Variants in CCDC167 observed in about 807,000 individuals in gnomAD.
CCDC167 encodes coiled-coil domain-containing protein 167.
Under a neutral mutation model 12.7 loss-of-function variants are expected in CCDC167, and 15 were observed. That is an observed-to-expected ratio of 1.18 (90% CI 0.79 to 1.81). The LOEUF (loss-of-function observed/expected upper bound fraction) is 1.81. CCDC167 is among the 40% of genes most tolerant of loss of function. The pLI is 0.00. For synonymous variants in CCDC167, 52 were observed against 49.0 expected (o/e 1.06, Z -0.26); for missense variants, 121 against 120.1 (o/e 1.01, Z -0.03).
intron 1 of CCDC167, among the ~76,000 whole-genome samples, chr6:37,495,272 TAACTC>T (rs1762085430): frequency 6.6e-6 from 1 of 152,208 alleles, no homozygotes; most frequent in African/African-American, 2.4e-5. Context: ...ACACATCTGT[TAACTC>T]AAGACCAACT....
In CCDC167 at chr6:37,483,027, C is replaced by A. The variant is rs13216875; in HGVS notation, c.*159G>T. 1.4e-6 allele frequency: 1 copy of A among 706,756 alleles called. No homozygotes were observed. Among genetic ancestry groups the A allele is most frequent in the South Asian group, 1.5e-5 (1 of 67,022 alleles). 43.8% of individuals were successfully genotyped at this position (706,756 alleles called of 1,614,324 possible). A position where few individuals can be genotyped will look rare whatever the true frequency, so the allele number is the denominator to read the frequency against. Reference sequence around the variant, plus strand: ...GGAGACCCGGAACCCCCCAGCAGGCCAGGGAGGCAAGGCCTGGGCCGCCAG... The same window carrying A: ...GGAGACCCGGAACCCCCCAGCAGGCAAGGGAGGCAAGGCCTGGGCCGCCAG... On this transcript the variant is annotated 3_prime_UTR_variant, in exon 4 of 4. Transcript: ENST00000373408.
chr6:37,484,039 A>G (rs1017930143), intron 3 of CCDC167, among the ~76,000 whole-genome samples: 4 of 152,224 alleles, frequency 2.6e-5, no homozygotes, highest in African/African-American at 9.6e-5. Context: ...AGACACCTGC[A>G]GAGCTGCTCT....
In CCDC167 at chr6:37,494,805, A is replaced by ATT. The variant is rs201478338; in HGVS notation, c.42+5015_42+5016dup. On this transcript the variant is annotated intron_variant, in intron 1 of 3. Coordinates refer to ENST00000373408, the MANE Select transcript of CCDC167 (RefSeq NM_138493.3). ...AATGCCAGTAGCCACCTACCTACAA[A>ATT]TTTTTTTTTTTTTTTTGAGACGGGG... is the stretch of plus-strand genomic sequence containing the variant. 3.3e-3 allele frequency among the ~76,000 whole-genome samples: 384 copies of ATT among 115,218 alleles called. 23 individuals are homozygous for ATT. The highest frequency in any genetic ancestry group is 0.014 in the African/African-American group (353 of 25,654). The allele number at this position is 115,218 out of a possible 152,430, so 75.6% of individuals were successfully genotyped here. A position where few individuals can be genotyped will look rare whatever the true frequency, so the allele number is the denominator to read the frequency against.
intron 1 of CCDC167, among the ~76,000 whole-genome samples, chr6:37,494,804 A>ATTTTTTTTTTTTTTTTTTT (rs1561799989): frequency 4.5e-5 from 2 of 44,936 alleles, no homozygotes; most frequent in African/African-American, 3.5e-4. Flanking sequence ...CCTACCTACA[A>ATTTTTTTTTTTTTTTTTTT]ATTTTTTTTT....
intron 1 of CCDC167, among the ~76,000 whole-genome samples, chr6:37,494,783 G>A (rs895358532): frequency 3.4e-5 from 5 of 146,924 alleles, no homozygotes; most frequent in Non-Finnish European, 6.0e-5. Context: ...TTGAACCAAT[G>A]CCAGTAGCCA....
chr6:37,499,888 A>T lies in CCDC167; in HGVS notation c.-25T>A, dbSNP rs191457871. 8 of 1,613,784 alleles carry T rather than the reference A, an allele frequency of 5.0e-6. No homozygotes were observed. In the East Asian group the frequency reaches 1.8e-4, roughly 36 times the overall value. ...TGTTACTTGCCGGGATCCCCCAGTC[A>T]TCACTGGACGCGCCCACCAAGTCGC... is the stretch of plus-strand genomic sequence containing the variant. On this transcript the variant is annotated 5_prime_UTR_variant, in exon 1 of 4. An upstream start codon of the reference 5' UTR is lost. Coordinates refer to ENST00000373408, the MANE Select transcript of CCDC167 (RefSeq NM_138493.3).
chr6:37,484,416 TGG>T (rs1178766167), intron 3 of CCDC167, among the ~76,000 whole-genome samples: 2 of 115,228 alleles, frequency 1.7e-5, no homozygotes, highest in Non-Finnish European at 3.3e-5. Flanking sequence ...CGTACCCAAG[TGG>T]GAGGTTCGGC....
intron 2 of CCDC167, 113 bp from the exon 3 acceptor site, chr6:37,484,975 T>G (rs1581762469): frequency 6.9e-7 from 1 of 1,457,262 alleles, no homozygotes; most frequent in Non-Finnish European, 9.5e-7. Context: ...AGGGGGGGTG[T>G]GCACTGAAGC....
rs1017949228 is a variant in CCDC167, at chr6:37,484,971, G to C, written c.138-109C>G. The C allele has an allele frequency of 2.5e-5, 37 of 1,465,288 alleles. 1 individual carries two copies. In the South Asian group the frequency reaches 4.0e-4, roughly 16 times the overall value. 90.8% of individuals were successfully genotyped at this position (1,465,288 alleles called of 1,614,324 possible). A position where few individuals can be genotyped will look rare whatever the true frequency, so the allele number is the denominator to read the frequency against. ...TTGGGTCTTGTTCGGCGGCAGGGGG[G>C]GTGTGCACTGAAGCTAAGATGTCAG... On this transcript the variant is annotated intron_variant, in intron 2 of 3. Coordinates refer to ENST00000373408, the MANE Select transcript of CCDC167 (RefSeq NM_138493.3).
intron 1 of CCDC167, among the ~76,000 whole-genome samples, chr6:37,490,030 GGAAA>G (rs1255526520): frequency 2.0e-5 from 3 of 152,218 alleles, no homozygotes; most frequent in Admixed American, 2.0e-4. Flanking sequence ...TTTTACATGG[GGAAA>G]AAGCACTGTG....
At chr6:37,498,126 G>A (rs552721642) in intron 1 of CCDC167, among the ~76,000 whole-genome samples, 5 of 152,210 alleles carry the variant, frequency 3.3e-5, no homozygotes, top group Admixed American at 2.6e-4. Context: ...AGGGAAATTC[G>A]CAAATGTGGA....
chr6:37,491,759 A>G (rs1228394655), intron 1 of CCDC167, among the ~76,000 whole-genome samples: 1 of 152,250 alleles, frequency 6.6e-6, no homozygotes, highest in Non-Finnish European at 1.5e-5. Flanking sequence ...TGTGCCAGGC[A>G]CTGACCTACA....
At chr6:37,499,750 C>T in intron 1 of CCDC167, 72 bp downstream of exon 1, 2 of 1,518,170 alleles carry the variant, frequency 1.3e-6, no homozygotes, top group East Asian at 2.3e-5. Flanking sequence ...ATCTATAGCC[C>T]AGCCTATCCC....
Position 37,484,860 on chromosome 6 carries a change from C to T in CCDC167, c.140G>A (p.Arg47Lys), listed in dbSNP as rs746959044. 9.3e-6 allele frequency: 15 copies of T among 1,614,256 alleles called. No individual in the cohort carries two copies. Among genetic ancestry groups the T allele is most frequent in the Non-Finnish European group, 1.1e-5 (13 of 1,180,052 alleles). ...HSRELSPEAR[R>K]SLEKEKNSLM... ...GCTGTTTTTCTCCTTCTCCAGGGACCTCCTGTGAGGGGAAAGGAGCTTCAT... is the reference window on the plus strand; with the variant it reads ...GCTGTTTTTCTCCTTCTCCAGGGACTTCCTGTGAGGGGAAAGGAGCTTCAT... Residue 47 changes from arginine (R) to lysine (K), a missense_variant and splice_region_variant, in exon 3 of 4, where the codon AGG becomes AAG. Coordinates refer to ENST00000373408, the MANE Select transcript of CCDC167 (RefSeq NM_138493.3).
intron 1 of CCDC167, among the ~76,000 whole-genome samples, chr6:37,497,298 A>G (rs1762107752): frequency 6.6e-6 from 1 of 152,214 alleles, no homozygotes; most frequent in Non-Finnish European, 1.5e-5. Flanking sequence ...CTGCAAGCCT[A>G]TGGACACAAC....
At chr6:37,488,521 G>A (rs1312009545) in intron 1 of CCDC167, among the ~76,000 whole-genome samples, 1 of 152,216 alleles carries the variant, frequency 6.6e-6, no homozygotes, top group African/African-American at 2.4e-5. Flanking sequence ...TGGGGATTAG[G>A]ACCAGATAAG....
chr6:37,493,444 G>C (rs967326953), intron 1 of CCDC167, among the ~76,000 whole-genome samples: 5 of 152,272 alleles, frequency 3.3e-5, no homozygotes, highest in African/African-American at 1.2e-4. Flanking sequence ...GATGCTGGCA[G>C]ACAGCCACTC....
intron 1 of CCDC167, among the ~76,000 whole-genome samples, chr6:37,485,466 C>A (rs1177445504): frequency 6.6e-6 from 1 of 152,260 alleles, no homozygotes; most frequent in Non-Finnish European, 1.5e-5. Flanking sequence ...GCTGTCCCAG[C>A]CCTCTGGGCC....
chr6:37,484,828 TC>T lies in CCDC167; in HGVS notation c.171del (p.Met57IlefsTer11). 6.2e-7 allele frequency: 1 copy of T among 1,614,248 alleles called. No homozygotes were observed. Among genetic ancestry groups the T allele is most frequent in the Non-Finnish European group, 8.5e-7 (1 of 1,180,038 alleles). ...TTCTTACCGTAGTTGGAGGCTTTGT[TC>T]ATTAGGCTGTTTTTCTCCTTCTCCA... ...RSLEKEKNSLMNKASNYEKEL... is the reference protein window; with the variant it reads ...RSLEKEKNSLXNKASNYEKEL... On this transcript the variant is annotated frameshift_variant, in exon 3 of 4. Transcript: ENST00000373408. LOFTEE classifies it high-confidence loss of function.
Sources: gnomAD v4.1 joint callset for allele counts (sites outside exome capture counted in the v4.1 genomes callset) on GRCh38, gnomAD v4.1.1 for gene constraint, MANE v1.5 for transcripts, NCBI Gene and HGNC (gene_info 2026-07-23, HGNC 2026-07-21) for gene names.